PHLDB2: variants seen among roughly 807,000 people sequenced by gnomAD.
PHLDB2 encodes pleckstrin homology like domain family B member 2, also known as pleckstrin homology-like domain family B member 2.
Under a neutral mutation model 123.6 loss-of-function variants are expected in PHLDB2, and 71 were observed. That is an observed-to-expected ratio of 0.57 (90% CI 0.47 to 0.70). The LOEUF is 0.70. PHLDB2 is among the 30% of genes least tolerant of loss of function. The pLI, the probability that PHLDB2 is intolerant of heterozygous loss-of-function variation, is 0.00. For synonymous variants in PHLDB2, 547 were observed against 541.6 expected (o/e 1.01, Z -0.14); for missense variants, 1,446 against 1,519.5 (o/e 0.95, Z 0.80).
At chr3:111,898,823 T>C (rs1036878264) in intron 2 of PHLDB2, among the ~76,000 whole-genome samples, 1 of 152,222 alleles carries the variant, frequency 6.6e-6, no homozygotes, top group African/African-American at 2.4e-5. Flanking sequence ...ATTCACATCT[T>C]CAGGTTCCAC....
intron 1 of PHLDB2, among the ~76,000 whole-genome samples, chr3:111,790,467 T>C (rs564042107): frequency 6.6e-6 from 1 of 152,334 alleles, no homozygotes; most frequent in South Asian, 2.1e-4. Flanking sequence ...AGTCTCTTCA[T>C]ACTCTCTTCA....
chr3:111,847,354 G>A (rs762342809), intron 2 of PHLDB2, among the ~76,000 whole-genome samples: 5 of 152,146 alleles, frequency 3.3e-5, no homozygotes, highest in African/African-American at 1.2e-4. Flanking sequence ...GAAAGATCCC[G>A]GTCCTCATAC....
intron 5 of PHLDB2, among the ~76,000 whole-genome samples, chr3:111,928,479 G>A (rs1467768935): frequency 1.3e-5 from 2 of 152,098 alleles, no homozygotes; most frequent in African/African-American, 4.8e-5. Flanking sequence ...CCAAATTGGG[G>A]CCTGGGAAAT....
At chr3:111,761,280 AT>A (rs1480527784) in intron 1 of PHLDB2, among the ~76,000 whole-genome samples, 1 of 152,112 alleles carries the variant, frequency 6.6e-6, no homozygotes, top group Non-Finnish European at 1.5e-5. Flanking sequence ...GTGTTATTCA[AT>A]TTTTTTGCTT....
chr3:111,967,955 G>T, intron 15 of PHLDB2, 131 bp downstream of exon 15: 2 of 227,610 alleles, frequency 8.8e-6, no homozygotes, highest in Non-Finnish European at 1.6e-5. Flanking sequence ...AGGGTTAAGA[G>T]AAGAGTGTGC....
At chr3:111,873,090 T>G (rs560165104) in intron 1 of PHLDB2, among the ~76,000 whole-genome samples, 2 of 152,222 alleles carry the variant, frequency 1.3e-5, no homozygotes, top group African/African-American at 4.8e-5. Flanking sequence ...TCTACAGATA[T>G]GCATGGCCAA....
At chr3:111,756,248 G>A (rs1180937773) in intron 1 of PHLDB2, among the ~76,000 whole-genome samples, 1 of 151,780 alleles carries the variant, frequency 6.6e-6, no homozygotes, top group African/African-American at 2.4e-5. Flanking sequence ...AATGTTGACA[G>A]TGGGGTGTTA....
chr3:111,954,593 T>C (rs1211472474), intron 12 of PHLDB2, among the ~76,000 whole-genome samples: 2 of 152,238 alleles, frequency 1.3e-5, no homozygotes, highest in African/African-American at 4.8e-5. Context: ...GATTCTCAGA[T>C]AGTCTTCATG....
chr3:111,782,387 A>G (rs1394438451), intron 1 of PHLDB2, among the ~76,000 whole-genome samples: 1 of 152,080 alleles, frequency 6.6e-6, no homozygotes, highest in East Asian at 1.9e-4. Flanking sequence ...GAGGATAGTA[A>G]AAAAGGAGAG....
In PHLDB2 at chr3:111,780,271, A is replaced by AGAGAAGAAG. The variant is rs34178824; in HGVS notation, c.-49+47568_-49+47569insGAGAAGAAG. On this transcript the variant is annotated intron_variant, in intron 1 of 17. Coordinates refer to the PHLDB2 transcript ENST00000393923. ...CTCCTGATTTAAAAGAAGAAGAAGA[A>AGAGAAGAAG]AAGAAGAAGAAGAAGAAGAAGAAGA... Among the ~76,000 whole-genome samples the AGAGAAGAAG allele has an allele frequency of 6.9e-3, 54 of 7,786 alleles. 5 individuals carry two copies. Among genetic ancestry groups the AGAGAAGAAG allele is most frequent in the Non-Finnish European group, 9.2e-3 (31 of 3,356 alleles). The allele number at this position is 7,786 out of a possible 152,430, so 5.1% of individuals were successfully genotyped here.
intron 1 of PHLDB2, among the ~76,000 whole-genome samples, chr3:111,875,346 C>T (rs1203683037): frequency 6.6e-6 from 1 of 151,194 alleles, no homozygotes; most frequent in Non-Finnish European, 1.5e-5. Flanking sequence ...GATGGAGTTT[C>T]TCCATGTTGG....
At chr3:111,950,743 A>G (rs2070661488) in intron 10 of PHLDB2, among the ~76,000 whole-genome samples, 1 of 152,164 alleles carries the variant, frequency 6.6e-6, no homozygotes, top group Admixed American at 6.6e-5. Flanking sequence ...ATGTTTCTTG[A>G]AGGTACCTTT....
At chr3:111,861,438 T>C (rs930727123) in intron 1 of PHLDB2, among the ~76,000 whole-genome samples, 1 of 152,210 alleles carries the variant, frequency 6.6e-6, no homozygotes. Flanking sequence ...AGAGTTGAGT[T>C]TGTCGTCTTA....
chr3:111,801,654 G>A (rs1229441010), intron 1 of PHLDB2, among the ~76,000 whole-genome samples: 2 of 152,056 alleles, frequency 1.3e-5, no homozygotes, highest in Non-Finnish European at 2.9e-5. Context: ...GAGTATTATT[G>A]CCCATAAAAA....
At chr3:111,922,571 G>A (rs1305770256) in intron 5 of PHLDB2, among the ~76,000 whole-genome samples, 1 of 152,196 alleles carries the variant, frequency 6.6e-6, no homozygotes, top group Non-Finnish European at 1.5e-5. Flanking sequence ...ATTACATCAT[G>A]TGAAAAATGG....
chr3:111,859,844 A>T (rs1000172900), intron 1 of PHLDB2: 97 of 985,848 alleles, frequency 9.8e-5, no homozygotes, highest in Admixed American at 1.8e-4. Context: ...CGGCGGCGCC[A>T]GCGTAGAGCG....
chr3:111,844,591 T>A (rs2063856910), intron 1 of PHLDB2, among the ~76,000 whole-genome samples: 1 of 152,218 alleles, frequency 6.6e-6, no homozygotes. Flanking sequence ...ATCTCTCCCC[T>A]GAATTATTGT....
At chr3:111,964,104 G>A (rs2071595092) in intron 13 of PHLDB2, among the ~76,000 whole-genome samples, 2 of 152,104 alleles carry the variant, frequency 1.3e-5, no homozygotes, top group African/African-American at 2.4e-5. Flanking sequence ...ATAAGACAAT[G>A]ACATTAAATA....
intron 1 of PHLDB2, among the ~76,000 whole-genome samples, chr3:111,754,208 G>A (rs2059839096): frequency 6.7e-6 from 1 of 149,468 alleles, no homozygotes; most frequent in South Asian, 2.1e-4. Flanking sequence ...TAGCTTGATG[G>A]GGATGGCACT....
Sources: gnomAD v4.1 joint callset for allele counts (sites outside exome capture counted in the v4.1 genomes callset) on GRCh38, gnomAD v4.1.1 for gene constraint, MANE v1.5 for transcripts, NCBI Gene and HGNC (gene_info 2026-07-23, HGNC 2026-07-21) for gene names.